RIPOR3: variants seen among roughly 807,000 people sequenced by gnomAD.
The protein encoded by RIPOR3 is family with sequence similarity 65 member C.
RIPOR3 carries 95 observed loss-of-function variants against 114.3 expected under a neutral mutation model. The ratio of observed to expected loss-of-function variants is 0.83; its 90% CI spans 0.70 to 0.99. The LOEUF is 0.99. Ranked by LOEUF, RIPOR3 falls within the 50% of genes least tolerant of loss-of-function variation. The probability of loss-of-function intolerance (pLI) is 0.00; values close to 1 mark genes in which losing one functional copy is unlikely to be tolerated. For missense variants in RIPOR3, 1,252 were observed against 1,266.9 expected (o/e 0.99, Z 0.18); for synonymous variants, 575 against 543.8 (o/e 1.06, Z -0.80).
chr20:50,629,102 G>A (rs1406742867), intron 2 of RIPOR3, among the ~76,000 whole-genome samples: 3 of 152,194 alleles, frequency 2.0e-5, no homozygotes, highest in East Asian at 3.9e-4. Context: ...ACACACATGT[G>A]CTGAGGCCCT....
chr20:50,667,976 A>G (rs2086314223), intron 1 of RIPOR3, among the ~76,000 whole-genome samples: 1 of 152,062 alleles, frequency 6.6e-6, no homozygotes, highest in African/African-American at 2.4e-5. Context: ...CTGCCTGACT[A>G]GCAGAGGATA....
intron 1 of RIPOR3, among the ~76,000 whole-genome samples, chr20:50,686,575 C>T (rs2087033234): frequency 6.6e-6 from 1 of 151,570 alleles, no homozygotes; most frequent in African/African-American, 2.4e-5. Context: ...ATGGTGAAAC[C>T]CCATCTCTAC....
At chr20:50,630,938 C>G in intron 1 of RIPOR3, 82 bp from the exon 2 acceptor site, 1 of 1,064,728 alleles carries the variant, frequency 9.4e-7, no homozygotes, top group South Asian at 1.4e-5. Context: ...TCCACCAACA[C>G]CTACAGACCT....
chr20:50,649,774 G>A (rs1439884720), intron 1 of RIPOR3, among the ~76,000 whole-genome samples: 1 of 152,208 alleles, frequency 6.6e-6, no homozygotes, highest in Admixed American at 6.5e-5. Context: ...TGAGGGCTAG[G>A]CTGGCTGGAA....
At chr20:50,677,919 C>T (rs565848969) in intron 1 of RIPOR3, among the ~76,000 whole-genome samples, 1 of 151,970 alleles carries the variant, frequency 6.6e-6, no homozygotes, top group Admixed American at 6.6e-5. Context: ...ATGCACCTGT[C>T]CCGACCTCCC....
chr20:50,609,306 G>A lies in RIPOR3; in HGVS notation c.627C>T (p.His209=). ...GALEVHLGEF[H]IRMKGLVGYA... ...CAGCCCTGTTACCTTTCATCCTGAT[G>A]TGGAACTCGCCCAGGTGAACCTCCA... The change falls in exon 8 of 22, where the codon CAC becomes CAT. Residue 209 remains histidine (H), a synonymous_variant. Transcript: ENST00000327979. The A allele has an allele frequency of 6.2e-7, 1 of 1,613,956 alleles. No homozygotes were observed. The highest frequency in any genetic ancestry group is 8.5e-7 in the Non-Finnish European group (1 of 1,179,876).
At chr20:50,632,629 G>T (rs1020296539) in intron 1 of RIPOR3, among the ~76,000 whole-genome samples, 1 of 152,238 alleles carries the variant, frequency 6.6e-6, no homozygotes, top group African/African-American at 2.4e-5. Context: ...GTACAGATGG[G>T]GAAGTTGAGG....
intron 1 of RIPOR3, among the ~76,000 whole-genome samples, chr20:50,667,585 C>G (rs1475860275): frequency 2.0e-5 from 3 of 152,210 alleles, no homozygotes; most frequent in Non-Finnish European, 2.9e-5. Flanking sequence ...AGCCACCGCG[C>G]CCGGCCGCTG....
At chr20:50,652,539 C>T (rs569639891) in intron 1 of RIPOR3, among the ~76,000 whole-genome samples, 13 of 137,176 alleles carry the variant, frequency 9.5e-5, no homozygotes, top group South Asian at 2.3e-4. Flanking sequence ...TGCAGTGAGC[C>T]GAGATTGCAA....
In RIPOR3 at chr20:50,593,180, CAGGAGCCTGCG is replaced by C; in HGVS notation, c.2218_2228del (p.Arg740GlyfsTer37). On this transcript the variant is annotated frameshift_variant, in exon 18 of 22. Coordinates refer to ENST00000327979, the MANE Select transcript of RIPOR3 (RefSeq NM_001290268.2). LOFTEE classifies it high-confidence loss of function. ...GCCCACCACAGCTGACCACCTGCTC[CAGGAGCCTGCG>C]GCACGCTGGCCAAAGGGGAGAGTAC... 1 of 1,612,958 alleles carries C rather than the reference CAGGAGCCTGCG, an allele frequency of 6.2e-7. No homozygotes were observed. The highest frequency in any genetic ancestry group is 1.1e-5 in the South Asian group (1 of 91,072).
chr20:50,643,880 A>G (rs1392413514), intron 1 of RIPOR3, among the ~76,000 whole-genome samples: 1 of 151,600 alleles, frequency 6.6e-6, no homozygotes, highest in Non-Finnish European at 1.5e-5. Context: ...TGCCCGGCTA[A>G]TTTTTTGTAT....
rs941163991 is a variant in RIPOR3, at chr20:50,630,725, G to T, written c.122+13C>A. ...ACCCCTGCACCCCGAAACAGGACAC[G>T]GGGGGAACTTACGCGATCCTCCGGC... On this transcript the variant is annotated intron_variant, in intron 2 of 21. Transcript: ENST00000327979. 2.5e-6 allele frequency: 4 copies of T among 1,592,542 alleles called. No homozygotes were observed. The highest frequency in any genetic ancestry group is 2.3e-5 in the East Asian group (1 of 43,640).
chr20:50,681,331 G>A (rs574651846), intron 1 of RIPOR3, among the ~76,000 whole-genome samples: 1 of 149,230 alleles, frequency 6.7e-6, no homozygotes, highest in Non-Finnish European at 1.5e-5. Context: ...TTATTTTAGA[G>A]AAATTGAGGT....
chr20:50,636,766 C>A (rs2085003796), intron 1 of RIPOR3: 1 of 985,526 alleles, frequency 1.0e-6, no homozygotes, highest in Non-Finnish European at 1.2e-6. Context: ...GAAGCAGAGT[C>A]TACTCCCGCT....
chr20:50,646,051 GGGA>G (rs1382107986), intron 1 of RIPOR3, among the ~76,000 whole-genome samples: 2 of 152,200 alleles, frequency 1.3e-5, no homozygotes, highest in African/African-American at 4.8e-5. Flanking sequence ...GATCTATGCA[GGGA>G]GGCAGAAAAG....
In RIPOR3 at chr20:50,597,559, G is replaced by C. The variant is rs778995960; in HGVS notation, c.1790+21C>G. Reference sequence around the variant, plus strand: ...TGGGAGTGGTGGCCACTGGGTCACTGCTGGAAGGAGGTGCACTCACCGGAG... The same window carrying C: ...TGGGAGTGGTGGCCACTGGGTCACTCCTGGAAGGAGGTGCACTCACCGGAG... On this transcript the variant is annotated intron_variant, in intron 14 of 21. Transcript: ENST00000327979. 4 of 1,592,948 alleles carry C rather than the reference G, an allele frequency of 2.5e-6. No individual in the cohort carries two copies. The East Asian group carries it at 9.2e-5, about 36-fold the overall frequency.
chr20:50,671,430 A>ACGCGCGCGCG (rs1209680638), intron 1 of RIPOR3, among the ~76,000 whole-genome samples: 1 of 2,992 alleles, frequency 3.3e-4, no homozygotes, highest in Non-Finnish European at 2.8e-3. Flanking sequence ...GCGCGCGCGC[A>ACGCGCGCGCG]CACACACACA....
intron 1 of RIPOR3, among the ~76,000 whole-genome samples, chr20:50,646,180 T>G (rs2085394979): frequency 6.6e-6 from 1 of 152,052 alleles, no homozygotes. Flanking sequence ...CAGGCTGGAG[T>G]GCAGTGGTGC....
intron 1 of RIPOR3, among the ~76,000 whole-genome samples, chr20:50,646,991 A>G (rs1430952963): frequency 1.3e-5 from 2 of 152,148 alleles, no homozygotes; most frequent in Admixed American, 6.5e-5. Context: ...TAGTTCCCAT[A>G]AGAAAAAGGA....
Sources: gnomAD v4.1 joint callset for allele counts (sites outside exome capture counted in the v4.1 genomes callset) on GRCh38, gnomAD v4.1.1 for gene constraint, MANE v1.5 for transcripts, NCBI Gene and HGNC (gene_info 2026-07-23, HGNC 2026-07-21) for gene names.